EXOC6B: variants seen among roughly 807,000 people sequenced by gnomAD.
EXOC6B encodes exocyst complex component 6B.
In EXOC6B, 54 loss-of-function variants were observed where a neutral mutation model predicts 113.5. The observed-to-expected ratio is 0.48, with a 90% CI of 0.38 to 0.60. The LOEUF (loss-of-function observed/expected upper bound fraction) is 0.60. Ranked by LOEUF, EXOC6B falls within the 20% of genes least tolerant of loss-of-function variation. EXOC6B has a pLI of 0.00. For synonymous variants in EXOC6B, 357 were observed against 339.0 expected, an observed-to-expected ratio of 1.05 and a Z score of -0.58; for missense variants, 797 against 977.5, an observed-to-expected ratio of 0.82 and a Z score of 2.46.
At chr2:72,407,699 T>C (rs1019104132) in intron 18 of EXOC6B, among the ~76,000 whole-genome samples, 11 of 152,184 alleles carry the variant, frequency 7.2e-5, no homozygotes, top group African/African-American at 2.7e-4. Context: ...AAATTAGGTA[T>C]TGATGGGACG....
intron 19 of EXOC6B, among the ~76,000 whole-genome samples, chr2:72,339,314 C>G (rs781227214): frequency 6.6e-6 from 1 of 152,120 alleles, no homozygotes; most frequent in East Asian, 1.9e-4. Context: ...ATACATAGGT[C>G]ACAATGGAAA....
chr2:72,735,876 C>T (rs955247202), intron 2 of EXOC6B, among the ~76,000 whole-genome samples: 4 of 151,724 alleles, frequency 2.6e-5, no homozygotes, highest in Admixed American at 6.6e-5. Flanking sequence ...CATTCAATAA[C>T]TATTTCAATG....
At chr2:72,431,698 A>T (rs1342485114) in intron 18 of EXOC6B, among the ~76,000 whole-genome samples, 6 of 152,014 alleles carry the variant, frequency 3.9e-5, no homozygotes, top group Non-Finnish European at 5.9e-5. Context: ...TGCAGAATGT[A>T]CAGGTTTGTT....
At chr2:72,740,607 GTTT>G (rs1181483521) in intron 2 of EXOC6B, among the ~76,000 whole-genome samples, 3 of 152,054 alleles carry the variant, frequency 2.0e-5, no homozygotes, top group Non-Finnish European at 4.4e-5. Context: ...ACAACCAACG[GTTT>G]TTTTCTTTTG....
chr2:72,712,167 G>T (rs66794803), intron 6 of EXOC6B, among the ~76,000 whole-genome samples: 32,163 of 152,100 alleles, frequency 0.21, 5,646 homozygotes, highest in African/African-American at 0.48. Flanking sequence ...TTTTAAACAA[G>T]ACTATACAAT....
intron 6 of EXOC6B, among the ~76,000 whole-genome samples, chr2:72,693,672 A>G (rs891009360): frequency 6.6e-6 from 1 of 152,206 alleles, no homozygotes; most frequent in Non-Finnish European, 1.5e-5. Context: ...ACTTAAATCC[A>G]TAAATCAATA....
intron 6 of EXOC6B, among the ~76,000 whole-genome samples, chr2:72,652,123 G>A (rs560383569): frequency 6.6e-6 from 1 of 151,042 alleles, no homozygotes; most frequent in South Asian, 2.1e-4. Flanking sequence ...ACCATACAGA[G>A]CCAGGTAAAA....
At chr2:72,389,072 A>T (rs776977618) in intron 18 of EXOC6B, among the ~76,000 whole-genome samples, 2 of 152,060 alleles carry the variant, frequency 1.3e-5, no homozygotes, top group African/African-American at 2.4e-5. Context: ...TCACAGTACG[A>T]TTGGATTTAA....
intron 20 of EXOC6B, among the ~76,000 whole-genome samples, chr2:72,259,510 C>A (rs370033398): frequency 6.6e-6 from 1 of 152,098 alleles, no homozygotes; most frequent in Admixed American, 6.6e-5. Flanking sequence ...CAAGTCTTTT[C>A]GTGGACATAT....
chr2:72,282,188 G>T (rs180813328), intron 20 of EXOC6B, among the ~76,000 whole-genome samples: 2 of 152,118 alleles, frequency 1.3e-5, no homozygotes, highest in East Asian at 3.9e-4. Context: ...AGGGTAAATA[G>T]ATGGATACAT....
At position 72,546,125 on chromosome 2, in the gene EXOC6B, C is replaced by T. The variant is rs555037755; in HGVS notation, c.915+13328G>A. On this transcript the variant is annotated intron_variant, in intron 8 of 21. Transcript: ENST00000272427. ...ATTGACCATCTTACACCATTCTACC[C>T]TATATCCCTGCAATGGCCATAAGGG... is the stretch of plus-strand genomic sequence containing the variant. 1.8e-4 allele frequency among the ~76,000 whole-genome samples: 28 copies of T among 152,302 alleles called. No homozygotes were observed. The South Asian group carries it at 3.9e-3, about 21-fold the overall frequency.
rs148195770 is a variant in EXOC6B, at chr2:72,179,669, T to C, written c.2310-208A>G. Among the ~76,000 whole-genome samples the C allele has an allele frequency of 2.0e-5, 3 of 152,146 alleles. No individual in the cohort carries two copies. The East Asian group carries it at 5.8e-4, about 30-fold the overall frequency. ...ATAGCCCTCCCAACTTCAGTCACCTTTGGAAACTGGTCAAGACCCAGTTTT... is the reference window on the plus strand; with the variant it reads ...ATAGCCCTCCCAACTTCAGTCACCTCTGGAAACTGGTCAAGACCCAGTTTT... On this transcript the variant is annotated intron_variant, in intron 21 of 21. Coordinates refer to ENST00000272427, the MANE Select transcript of EXOC6B (RefSeq NM_015189.3).
chr2:72,759,068 T>G (rs1291045578), intron 1 of EXOC6B, among the ~76,000 whole-genome samples: 1 of 152,214 alleles, frequency 6.6e-6, no homozygotes, highest in Non-Finnish European at 1.5e-5. Flanking sequence ...ATAGCCAGAC[T>G]TTCAGGATTT....
At chr2:72,400,991 A>G (rs1403914324) in intron 18 of EXOC6B, among the ~76,000 whole-genome samples, 2 of 152,052 alleles carry the variant, frequency 1.3e-5, no homozygotes, top group Non-Finnish European at 2.9e-5. Flanking sequence ...ACCTACGTTC[A>G]TATATTTATC....
At chr2:72,219,417 T>C (rs1269119089) in intron 20 of EXOC6B, among the ~76,000 whole-genome samples, 1 of 152,148 alleles carries the variant, frequency 6.6e-6, no homozygotes, top group Non-Finnish European at 1.5e-5. Context: ...CCTCTCTCCA[T>C]GCTGCAATAC....
chr2:72,373,677 G>A (rs541882304), intron 19 of EXOC6B, among the ~76,000 whole-genome samples: 6 of 152,212 alleles, frequency 3.9e-5, no homozygotes, highest in South Asian at 2.1e-4. Flanking sequence ...CAACATAATC[G>A]ATCATTAGAG....
chr2:72,250,906 G>A (rs1027503623), intron 20 of EXOC6B, among the ~76,000 whole-genome samples: 1 of 151,958 alleles, frequency 6.6e-6, no homozygotes, highest in African/African-American at 2.4e-5. Flanking sequence ...GGAGTGGAGT[G>A]GTGTGATGAA....
At chr2:72,394,712 A>T (rs1692612070) in intron 18 of EXOC6B, among the ~76,000 whole-genome samples, 3 of 152,168 alleles carry the variant, frequency 2.0e-5, no homozygotes, top group South Asian at 4.1e-4. Flanking sequence ...GTTTCACCAG[A>T]CTACAACCAA....
chr2:72,551,853 G>A (rs943555658), intron 8 of EXOC6B, among the ~76,000 whole-genome samples: 4 of 152,090 alleles, frequency 2.6e-5, no homozygotes, highest in East Asian at 1.9e-4. Flanking sequence ...GATACAATGC[G>A]GTCATACTAT....
Sources: gnomAD v4.1 joint callset for allele counts (sites outside exome capture counted in the v4.1 genomes callset) on GRCh38, gnomAD v4.1.1 for gene constraint, MANE v1.5 for transcripts, NCBI Gene and HGNC (gene_info 2026-07-23, HGNC 2026-07-21) for gene names.